APBA1: variants seen among roughly 807,000 people sequenced by gnomAD.
APBA1 encodes the protein amyloid beta precursor protein binding family A member 1.
In APBA1, 55 loss-of-function variants were observed where a neutral mutation model predicts 86.6. The ratio of observed to expected loss-of-function variants is 0.64; its 90% CI spans 0.51 to 0.80. The LOEUF is 0.80. APBA1 is among the 30% of genes least tolerant of loss of function. APBA1 has a pLI of 0.00. For synonymous variants in APBA1, 511 were observed against 493.9 expected (o/e 1.03, Z -0.46); for missense variants, 1,090 against 1,183.0 (o/e 0.92, Z 1.15).
intron 1 of APBA1, among the ~76,000 whole-genome samples, chr9:69,644,579 C>A (rs907160938): frequency 3.9e-5 from 6 of 152,180 alleles, no homozygotes; most frequent in African/African-American, 1.4e-4. Flanking sequence ...TTGTAAGAAG[C>A]CCTACAGAGT....
intron 2 of APBA1, among the ~76,000 whole-genome samples, chr9:69,501,046 A>G (rs533791958): frequency 3.9e-5 from 6 of 152,178 alleles, no homozygotes; most frequent in Admixed American, 1.3e-4. Flanking sequence ...CCATTACCAG[A>G]CTTGTTTACT....
chr9:69,465,868 G>A (rs1268089462), intron 5 of APBA1, among the ~76,000 whole-genome samples: 2 of 152,176 alleles, frequency 1.3e-5, no homozygotes, highest in East Asian at 3.9e-4. Flanking sequence ...TGGCAGCAGG[G>A]CCTCTGAGGC....
intron 1 of APBA1, among the ~76,000 whole-genome samples, chr9:69,602,061 T>A (rs1822360088): frequency 6.6e-6 from 1 of 152,246 alleles, no homozygotes; most frequent in Admixed American, 6.5e-5. Context: ...ATATATTTTT[T>A]AAGCACCAAC....
chr9:69,467,981 G>C lies in APBA1; in HGVS notation c.1337-13C>G, dbSNP rs141857206. The C allele has an allele frequency of 0.013, 20,938 of 1,612,032 alleles. 188 individuals carry two copies. The highest frequency in any genetic ancestry group is 0.015 in the Non-Finnish European group (18,155 of 1,178,352). ...CAGGGTCCCGGAACTGTAACACATAGAGCCACAGTGAGGAAGCCATCCTGG... is the reference window on the plus strand; with the variant it reads ...CAGGGTCCCGGAACTGTAACACATACAGCCACAGTGAGGAAGCCATCCTGG... On this transcript the variant is annotated splice_polypyrimidine_tract_variant and intron_variant, in intron 4 of 12. Transcript: ENST00000265381.
intron 1 of APBA1, among the ~76,000 whole-genome samples, chr9:69,568,125 C>T (rs1564079637): frequency 1.3e-5 from 2 of 152,288 alleles, no homozygotes; most frequent in East Asian, 3.9e-4. Context: ...GGGTAGGAGA[C>T]ACAGGAACGT....
At chr9:69,614,015 C>T (rs1822646311) in intron 1 of APBA1, among the ~76,000 whole-genome samples, 1 of 151,916 alleles carries the variant, frequency 6.6e-6, no homozygotes, top group East Asian at 1.9e-4. Flanking sequence ...AAAATAATTT[C>T]CTTTGTAGTC....
intron 1 of APBA1, among the ~76,000 whole-genome samples, chr9:69,639,241 A>T (rs1823239070): frequency 6.6e-6 from 1 of 152,150 alleles, no homozygotes; most frequent in Admixed American, 6.5e-5. Context: ...TTTAAAAGGG[A>T]GTTGTAATCC....
At chr9:69,445,930 C>G (rs1834899774) in intron 10 of APBA1, among the ~76,000 whole-genome samples, 1 of 152,184 alleles carries the variant, frequency 6.6e-6, no homozygotes, top group Admixed American at 6.5e-5. Flanking sequence ...CCTATACCTG[C>G]TGAATCAGAC....
intron 1 of APBA1, among the ~76,000 whole-genome samples, chr9:69,539,256 A>G (rs1836560651): frequency 6.6e-6 from 1 of 152,216 alleles, no homozygotes; most frequent in Non-Finnish European, 1.5e-5. Context: ...TCCTTTAGAC[A>G]TAACTGTGCC....
intron 3 of APBA1, among the ~76,000 whole-genome samples, chr9:69,475,509 T>C (rs1320110956): frequency 6.6e-6 from 1 of 152,186 alleles, no homozygotes; most frequent in Admixed American, 6.5e-5. Flanking sequence ...ATGGGCTGCC[T>C]GGACAACAGG....
Position 69,503,445 on chromosome 9 carries a change from G to T in APBA1, c.1200+12566C>A, listed in dbSNP as rs138316609. Among the ~76,000 whole-genome samples the T allele has an allele frequency of 2.8e-3, 421 of 151,848 alleles. 3 individuals are homozygous for T. The highest frequency in any genetic ancestry group is 9.6e-3 in the African/African-American group (398 of 41,404). On this transcript the variant is annotated intron_variant, in intron 2 of 12. Transcript: ENST00000265381. ...TTTTCAATTTTAGATATTATTTCCT[G>T]GCTCTACTATAAGATTTACCTCTTT...
chr9:69,641,280 C>T lies in APBA1; in HGVS notation c.-70+30873G>A, dbSNP rs1210670978. ...AGATCTAAAGAAATGGAAAGATATA[C>T]CATGTTCATGGGTTGGAAAATTCAG... On this transcript the variant is annotated intron_variant, in intron 1 of 12. Transcript: ENST00000265381. Among the ~76,000 whole-genome samples, 4 of 152,222 alleles carry T rather than the reference C, an allele frequency of 2.6e-5. No individual in the cohort carries two copies. The East Asian group carries it at 5.8e-4, about 22-fold the overall frequency.
intron 1 of APBA1, among the ~76,000 whole-genome samples, chr9:69,560,981 A>G (rs150299641): frequency 6.6e-6 from 1 of 152,332 alleles, no homozygotes; most frequent in East Asian, 1.9e-4. Context: ...ACACAGAAAA[A>G]TATGTTTCAT....
chr9:69,457,666 GC>G (rs1400950134), intron 6 of APBA1, among the ~76,000 whole-genome samples: 6 of 152,118 alleles, frequency 3.9e-5, no homozygotes, highest in Non-Finnish European at 7.4e-5. Flanking sequence ...TTAAGAAAGA[GC>G]CCCAATGCCT....
At chr9:69,572,640 T>C (rs1035725449) in intron 1 of APBA1, among the ~76,000 whole-genome samples, 1 of 152,218 alleles carries the variant, frequency 6.6e-6, no homozygotes, top group African/African-American at 2.4e-5. Context: ...GTGCCTGTCT[T>C]TGGGAGTCCT....
At position 69,636,422 on chromosome 9, in the gene APBA1, C is replaced by T. The variant is rs147338076; in HGVS notation, c.-70+35731G>A. 2.5e-3 allele frequency among the ~76,000 whole-genome samples: 381 copies of T among 152,278 alleles called. 1 individual carries two copies. Among genetic ancestry groups the T allele is most frequent in the African/African-American group, 8.7e-3 (362 of 41,550 alleles). On this transcript the variant is annotated intron_variant, in intron 1 of 12. Coordinates refer to ENST00000265381, the MANE Select transcript of APBA1 (RefSeq NM_001163.4). ...TATATACTCCCAAAAAGGAAATTGG[C>T]ATATCAAAGAGCTATCTGCACTCCC...
intron 1 of APBA1, among the ~76,000 whole-genome samples, chr9:69,603,025 G>C (rs1303747922): frequency 6.6e-6 from 1 of 152,180 alleles, no homozygotes; most frequent in Admixed American, 6.5e-5. Flanking sequence ...CTGGTCCTCT[G>C]GGAGGGTAGT....
chr9:69,503,445 G>A (rs138316609), intron 2 of APBA1, among the ~76,000 whole-genome samples: 1 of 151,734 alleles, frequency 6.6e-6, no homozygotes, highest in African/African-American at 2.4e-5. Context: ...ATTATTTCCT[G>A]GCTCTACTAT....
rs1019846250 is a variant in APBA1 at position 69,430,675 on chromosome 9, T to C, written c.*652A>G. 1 of 152,550 alleles carries C rather than the reference T, an allele frequency of 6.6e-6. No homozygotes were observed. Among genetic ancestry groups the C allele is most frequent in the Non-Finnish European group, 1.5e-5 (1 of 68,018 alleles). 9.4% of individuals were successfully genotyped at this position (152,550 alleles called of 1,614,324 possible). A position where few individuals can be genotyped will look rare whatever the true frequency, so the allele number is the denominator to read the frequency against. On this transcript the variant is annotated 3_prime_UTR_variant, in exon 13 of 13. Coordinates refer to ENST00000265381, the MANE Select transcript of APBA1 (RefSeq NM_001163.4). ...AATTGCCAAGCTCTCTGTGACACTA[T>C]GGTGTCCTTGCCCAAGGCAGTTATT...
Sources: gnomAD v4.1 joint callset for allele counts (sites outside exome capture counted in the v4.1 genomes callset) on GRCh38, gnomAD v4.1.1 for gene constraint, MANE v1.5 for transcripts, NCBI Gene and HGNC (gene_info 2026-07-23, HGNC 2026-07-21) for gene names.